Variants in MCTP1 observed in about 807,000 individuals in gnomAD.
MCTP1 encodes the protein multiple C2 and transmembrane domain-containing protein 1.
A neutral mutation model predicts 120.6 loss-of-function variants in MCTP1; 69 were observed. The observed-to-expected ratio is 0.57, with a 90% CI of 0.47 to 0.70. MCTP1 has a LOEUF of 0.70. MCTP1 is among the 30% of genes least tolerant of loss of function. The probability of loss-of-function intolerance (pLI) is 0.00; values close to 1 mark genes in which losing one functional copy is unlikely to be tolerated. For synonymous variants in MCTP1, 529 were observed against 493.1 expected, an observed-to-expected ratio of 1.07 and a Z score of -0.96; for missense variants, 1,203 against 1,248.8, an observed-to-expected ratio of 0.96 and a Z score of 0.55.
chr5:94,861,741 T>C (rs541841990), intron 17 of MCTP1, among the ~76,000 whole-genome samples: 2 of 152,006 alleles, frequency 1.3e-5, no homozygotes, highest in East Asian at 3.9e-4. Context: ...TTTAGGAATC[T>C]GGGAACAGGT....
At chr5:95,174,255 A>G (rs1747707150) in intron 1 of MCTP1, among the ~76,000 whole-genome samples, 1 of 152,212 alleles carries the variant, frequency 6.6e-6, no homozygotes, top group South Asian at 2.1e-4. Flanking sequence ...AAGACCATGT[A>G]TCATATAAAA....
At chr5:94,923,240 T>C (rs1028458189) in intron 7 of MCTP1, among the ~76,000 whole-genome samples, 4 of 152,162 alleles carry the variant, frequency 2.6e-5, no homozygotes, top group African/African-American at 9.7e-5. Flanking sequence ...CATTGTAATA[T>C]CTATTGTTAC....
intron 12 of MCTP1, among the ~76,000 whole-genome samples, chr5:94,875,185 T>C (rs1798580296): frequency 1.3e-5 from 2 of 152,104 alleles, no homozygotes; most frequent in Admixed American, 1.3e-4. Flanking sequence ...GGAGTGTTGG[T>C]ATGTATATGC....
intron 10 of MCTP1, among the ~76,000 whole-genome samples, chr5:94,902,525 A>G (rs1485781860): frequency 6.6e-6 from 1 of 152,178 alleles, no homozygotes; most frequent in African/African-American, 2.4e-5. Context: ...AAAAAGCACA[A>G]TTTTACATAA....
At chr5:95,145,740 A>T (rs1760333219) in intron 1 of MCTP1, among the ~76,000 whole-genome samples, 2 of 152,092 alleles carry the variant, frequency 1.3e-5, no homozygotes, top group African/African-American at 4.8e-5. Context: ...GGAACACAGT[A>T]TATTTGATCA....
chr5:94,708,215 C>T, intron 22 of MCTP1: 1 of 203,342 alleles, frequency 4.9e-6, no homozygotes, highest in Non-Finnish European at 9.8e-6. Context: ...TCCTGGTTTC[C>T]TCCCCTCAGG....
At chr5:95,106,548 C>T (rs377466620) in intron 1 of MCTP1, among the ~76,000 whole-genome samples, 29 of 152,186 alleles carry the variant, frequency 1.9e-4, no homozygotes, top group African/African-American at 5.8e-4. Context: ...CTGTTTTGTT[C>T]AGGCTGGTTT....
chr5:95,092,373 G>A (rs905240690), intron 1 of MCTP1, among the ~76,000 whole-genome samples: 1 of 152,202 alleles, frequency 6.6e-6, no homozygotes, highest in Non-Finnish European at 1.5e-5. Context: ...TGGAGATATA[G>A]CCAGAGGTTA....
chr5:95,140,732 T>C (rs1435808203), intron 1 of MCTP1, among the ~76,000 whole-genome samples: 29 of 90,202 alleles, frequency 3.2e-4, no homozygotes, highest in Non-Finnish European at 2.2e-5. Context: ...AAAAAAAAAT[T>C]AGCCGGGTGT....
At chr5:94,761,726 C>T (rs1417148239) in intron 19 of MCTP1, among the ~76,000 whole-genome samples, 6 of 152,144 alleles carry the variant, frequency 3.9e-5, no homozygotes, top group Non-Finnish European at 8.8e-5. Context: ...GATTCTTATG[C>T]ACTATGACCT....
At chr5:94,815,160 T>G (rs1338610787) in intron 17 of MCTP1, among the ~76,000 whole-genome samples, 1 of 152,228 alleles carries the variant, frequency 6.6e-6, no homozygotes, top group East Asian at 1.9e-4. Context: ...CGAAAACTGC[T>G]GAACACAGCA....
chr5:95,093,042 A>T (rs560715964), intron 1 of MCTP1, among the ~76,000 whole-genome samples: 1 of 152,374 alleles, frequency 6.6e-6, no homozygotes, highest in South Asian at 2.1e-4. Context: ...AAACTATTTG[A>T]GATAATTGTT....
At chr5:95,183,692 G>A (rs979892125) in intron 1 of MCTP1, among the ~76,000 whole-genome samples, 44 of 151,956 alleles carry the variant, frequency 2.9e-4, no homozygotes, top group African/African-American at 9.9e-4. Flanking sequence ...GCCGACATTC[G>A]CCAAAAAAAG....
At chr5:95,233,519 C>T (rs1462747175) in intron 1 of MCTP1, among the ~76,000 whole-genome samples, 2 of 151,884 alleles carry the variant, frequency 1.3e-5, no homozygotes, top group African/African-American at 4.8e-5. Context: ...TTAGTAGAGA[C>T]GGGGTTTCAC....
intron 17 of MCTP1, among the ~76,000 whole-genome samples, chr5:94,815,305 A>G (rs940892956): frequency 7.9e-5 from 12 of 152,152 alleles, no homozygotes; most frequent in African/African-American, 1.2e-4. Flanking sequence ...AGCTTAATAC[A>G]TGTGTTTGTT....
intron 1 of MCTP1, among the ~76,000 whole-genome samples, chr5:95,073,835 T>G (rs1752856106): frequency 1.3e-5 from 2 of 152,028 alleles, no homozygotes; most frequent in South Asian, 2.1e-4. Flanking sequence ...TTCTTAAAAT[T>G]TATACTCTTG....
At chr5:95,195,670 G>C (rs868812542) in intron 1 of MCTP1, among the ~76,000 whole-genome samples, 4 of 152,028 alleles carry the variant, frequency 2.6e-5, no homozygotes, top group Non-Finnish European at 5.9e-5. Context: ...AGAGCGCTAA[G>C]GCAGCTTAGA....
intron 1 of MCTP1, among the ~76,000 whole-genome samples, chr5:95,019,040 G>C (rs73138047): frequency 0.011 from 1,707 of 152,084 alleles, 30 homozygotes; most frequent in African/African-American, 0.038. Flanking sequence ...AACAAAGATA[G>C]TATTCTATTT....
intron 1 of MCTP1, among the ~76,000 whole-genome samples, chr5:95,041,114 T>C (rs184081538): frequency 6.6e-6 from 1 of 152,074 alleles, no homozygotes; most frequent in African/African-American, 2.4e-5. Flanking sequence ...AACCCAATTA[T>C]GAAATAGCTA....
Sources: allele counts gnomAD v4.1 joint callset (sites outside exome capture counted in the v4.1 genomes callset), GRCh38; gene constraint gnomAD v4.1.1; transcripts MANE v1.5; gene names NCBI Gene and HGNC (gene_info 2026-07-23, HGNC 2026-07-21).